NSMCE2: variants seen among roughly 807,000 people sequenced by gnomAD.
The protein encoded by NSMCE2 is E3 SUMO-protein ligase NSE2.
Under a neutral mutation model 23.8 loss-of-function variants are expected in NSMCE2, and 24 were observed. The ratio of observed to expected loss-of-function variants is 1.01; its 90% CI spans 0.73 to 1.42. NSMCE2 has a LOEUF of 1.42. Ranked by LOEUF, NSMCE2 falls within the 40% of genes most tolerant of loss-of-function variation. NSMCE2 has a pLI of 0.00. For missense variants in NSMCE2, 284 were observed against 296.5 expected, an observed-to-expected ratio of 0.96 and a Z score of 0.31; for synonymous variants, 92 against 94.1, an observed-to-expected ratio of 0.98 and a Z score of 0.13.
intron 6 of NSMCE2, 63 bp downstream of exon 6, chr8:125,357,382 C>G: frequency 8.7e-7 from 1 of 1,151,212 alleles, no homozygotes; most frequent in Non-Finnish European, 1.3e-6. Context: ...CAGAAAGGTT[C>G]CTGTTTGCTT....
intron 4 of NSMCE2, among the ~76,000 whole-genome samples, chr8:125,156,478 A>C (rs968510500): frequency 1.3e-5 from 2 of 152,134 alleles, no homozygotes; most frequent in Admixed American, 6.5e-5. Context: ...TTTTAAGTCA[A>C]TATCTTATAA....
At chr8:125,219,754 T>C (rs963517473) in intron 5 of NSMCE2, among the ~76,000 whole-genome samples, 1 of 152,332 alleles carries the variant, frequency 6.6e-6, no homozygotes, top group South Asian at 2.1e-4. Flanking sequence ...CACTGAAGTT[T>C]TGTTTTAGAC....
chr8:125,243,810 G>A lies in NSMCE2; in HGVS notation c.418+61554G>A, dbSNP rs563543283. ...GCATGCTAAAAATAATGGAGCATCC[G>A]TCACCTTAGGCATTAGAGGGGAAAA... is the stretch of plus-strand genomic sequence containing the variant. On this transcript the variant is annotated intron_variant, in intron 5 of 7. Coordinates refer to ENST00000287437, the MANE Select transcript of NSMCE2 (RefSeq NM_173685.4). Among the ~76,000 whole-genome samples, 124 of 152,260 alleles carry A rather than the reference G, an allele frequency of 8.1e-4. 2 individuals are homozygous for A. Among genetic ancestry groups the A allele is most frequent in the Non-Finnish European group, 1.4e-3 (93 of 68,016 alleles).
intron 4 of NSMCE2, among the ~76,000 whole-genome samples, chr8:125,157,061 C>A (rs552834358): frequency 6.6e-6 from 1 of 152,258 alleles, no homozygotes; most frequent in Non-Finnish European, 1.5e-5. Context: ...TTATATATGA[C>A]CACTTACTGA....
intron 5 of NSMCE2, among the ~76,000 whole-genome samples, chr8:125,261,028 G>A (rs904584406): frequency 2.0e-5 from 3 of 152,142 alleles, no homozygotes; most frequent in African/African-American, 7.2e-5. Context: ...ACAGAGAAAA[G>A]TATATAATCA....
chr8:125,105,871 A>G (rs1232077454), intron 3 of NSMCE2, among the ~76,000 whole-genome samples: 5 of 152,220 alleles, frequency 3.3e-5, no homozygotes, highest in Admixed American at 3.3e-4. Context: ...ATTTGGATTA[A>G]TTTTACAGCA....
chr8:125,260,013 G>A (rs1172873508), intron 5 of NSMCE2, among the ~76,000 whole-genome samples: 1 of 152,162 alleles, frequency 6.6e-6, no homozygotes, highest in Non-Finnish European at 1.5e-5. Context: ...CAAAAAGAAA[G>A]CAGATATTGC....
intron 5 of NSMCE2, among the ~76,000 whole-genome samples, chr8:125,325,111 G>A (rs1214290682): frequency 6.6e-6 from 1 of 152,002 alleles, no homozygotes; most frequent in Non-Finnish European, 1.5e-5. Context: ...TATTAATTAT[G>A]CCTCATTAAA....
intron 5 of NSMCE2, among the ~76,000 whole-genome samples, chr8:125,251,681 T>C (rs4006772): frequency 0.29 from 43,602 of 152,108 alleles, 8,719 homozygotes; most frequent in African/African-American, 0.56. Context: ...TCTTAGACAA[T>C]GGAATAGTTA....
At chr8:125,272,876 C>CGT (rs1554629688) in intron 5 of NSMCE2, among the ~76,000 whole-genome samples, 4 of 127,340 alleles carry the variant, frequency 3.1e-5, no homozygotes, top group Non-Finnish European at 1.7e-5. Context: ...CACACGTATA[C>CGT]GTGTGTGTAT....
intron 5 of NSMCE2, among the ~76,000 whole-genome samples, chr8:125,261,032 A>G (rs1023917963): frequency 2.0e-5 from 3 of 152,222 alleles, no homozygotes; most frequent in Non-Finnish European, 4.4e-5. Context: ...AGAAAAGTAT[A>G]TAATCATTCT....
chr8:125,279,424 C>T, intron 5 of NSMCE2, among the ~76,000 whole-genome samples: 1 of 152,078 alleles, frequency 6.6e-6, no homozygotes, highest in East Asian at 1.9e-4. Context: ...ACTTTTCTCA[C>T]AAGTAAATGT....
At chr8:125,095,566 C>G (rs921971424) in intron 1 of NSMCE2, among the ~76,000 whole-genome samples, 1 of 152,058 alleles carries the variant, frequency 6.6e-6, no homozygotes, top group Non-Finnish European at 1.5e-5. Context: ...GCACTCCAGC[C>G]TGGGTGACAG....
intron 5 of NSMCE2, among the ~76,000 whole-genome samples, chr8:125,238,538 G>A (rs1280091312): frequency 2.0e-5 from 3 of 152,130 alleles, no homozygotes; most frequent in Non-Finnish European, 4.4e-5. Flanking sequence ...TATCAAATAA[G>A]TGCACTGTTA....
intron 3 of NSMCE2, among the ~76,000 whole-genome samples, chr8:125,104,139 C>T (rs930868015): frequency 1.3e-5 from 2 of 151,982 alleles, no homozygotes; most frequent in East Asian, 1.9e-4. Flanking sequence ...TACAGGCATG[C>T]GCCACCACGC....
intron 3 of NSMCE2, among the ~76,000 whole-genome samples, chr8:125,123,429 G>A (rs2130512652): frequency 6.6e-6 from 1 of 152,304 alleles, no homozygotes; most frequent in Admixed American, 6.5e-5. Context: ...AAATCTTATT[G>A]CAGTTATTTT....
intron 4 of NSMCE2, among the ~76,000 whole-genome samples, chr8:125,179,230 C>G (rs1371451196): frequency 6.6e-6 from 1 of 152,114 alleles, no homozygotes; most frequent in Non-Finnish European, 1.5e-5. Flanking sequence ...CTCTCCATCT[C>G]AAATTTCTTT....
At chr8:125,270,303 A>G (rs1055688354) in intron 5 of NSMCE2, among the ~76,000 whole-genome samples, 6 of 152,130 alleles carry the variant, frequency 3.9e-5, no homozygotes, top group Non-Finnish European at 7.4e-5. Flanking sequence ...TCTGTCTACT[A>G]AAAATACAAA....
At chr8:125,277,236 C>A (rs991574095) in intron 5 of NSMCE2, among the ~76,000 whole-genome samples, 8 of 152,092 alleles carry the variant, frequency 5.3e-5, no homozygotes, top group African/African-American at 1.9e-4. Flanking sequence ...CATCCTTTTC[C>A]TCACCTAGGC....
Sources: allele counts gnomAD v4.1 joint callset (sites outside exome capture counted in the v4.1 genomes callset), GRCh38; gene constraint gnomAD v4.1.1; transcripts MANE v1.5; gene names NCBI Gene and HGNC (gene_info 2026-07-23, HGNC 2026-07-21).